Variants in NIPA1 observed in about 807,000 individuals in gnomAD.
NIPA1 encodes NIPA magnesium transporter 1.
Under a neutral mutation model 23.9 loss-of-function variants are expected in NIPA1, and 13 were observed. That is an observed-to-expected ratio of 0.54 (90% CI 0.35 to 0.87). The LOEUF (loss-of-function observed/expected upper bound fraction) is 0.87. Among genes scored for constraint, NIPA1 ranks in the 40% least tolerant of loss-of-function variants. NIPA1 has a pLI of 0.01. For synonymous variants in NIPA1, 234 were observed against 202.9 expected (o/e 1.15, Z -1.30); for missense variants, 362 against 429.7 (o/e 0.84, Z 1.39).
intron 1 of NIPA1, among the ~76,000 whole-genome samples, chr15:22,800,781 T>G (rs1432069675): frequency 6.6e-6 from 1 of 151,650 alleles, no homozygotes. Context: ...ACAAAAAAAA[T>G]TTAGCCGGAC....
intron 1 of NIPA1, among the ~76,000 whole-genome samples, chr15:22,809,861 G>GA (rs1193789846): frequency 6.6e-6 from 1 of 152,054 alleles, no homozygotes; most frequent in Non-Finnish European, 1.5e-5. Context: ...CCAACGTGGA[G>GA]AAACCTCGTC....
intron 2 of NIPA1, 45 bp from the exon 3 acceptor site, chr15:22,812,118 A>G (rs1265679407): frequency 7.3e-7 from 1 of 1,363,968 alleles, no homozygotes; most frequent in Non-Finnish European, 1.0e-6. Flanking sequence ...GTGCTGGAAG[A>G]GAGCTCTGTA....
intron 4 of NIPA1, among the ~76,000 whole-genome samples, chr15:22,823,394 G>A (rs1256563836): frequency 1.3e-5 from 2 of 151,704 alleles, no homozygotes; most frequent in Non-Finnish European, 1.5e-5. Context: ...TAGAGACGGG[G>A]TTTCACCATC....
At chr15:22,787,031 G>C (rs961207442) in intron 1 of NIPA1, among the ~76,000 whole-genome samples, 197 bp downstream of exon 1, 1 of 151,864 alleles carries the variant, frequency 6.6e-6, no homozygotes, top group African/African-American at 2.4e-5. Context: ...TCGGGCCCGG[G>C]AGCGGCCCAG....
chr15:22,793,671 C>T lies in NIPA1; in HGVS notation c.178+6837C>T, dbSNP rs141612669. ...GGCCAGCCTGGTCTCGAACTCCTGA[C>T]CTCAAGTGTTCTGCCTGTTTTCAGC... On this transcript the variant is annotated intron_variant, in intron 1 of 4. Coordinates refer to ENST00000337435, the MANE Select transcript of NIPA1 (RefSeq NM_144599.5). Among the ~76,000 whole-genome samples, 454 of 152,204 alleles carry T rather than the reference C, an allele frequency of 3.0e-3. 3 individuals carry two copies. Among genetic ancestry groups the T allele is most frequent in the African/African-American group, 0.01 (426 of 41,550 alleles).
At chr15:22,809,027 C>T (rs1417078646) in intron 1 of NIPA1, among the ~76,000 whole-genome samples, 1 of 152,054 alleles carries the variant, frequency 6.6e-6, no homozygotes, top group Non-Finnish European at 1.5e-5. Context: ...CTCCATTAAG[C>T]AGGCTAGCAG....
chr15:22,787,580 A>T (rs899720734), intron 1 of NIPA1, among the ~76,000 whole-genome samples: 1 of 152,188 alleles, frequency 6.6e-6, no homozygotes, highest in Non-Finnish European at 1.5e-5. Context: ...TGCGGGGTAG[A>T]GCTCTCTGTC....
At chr15:22,810,972 G>A in intron 2 of NIPA1, 176 bp downstream of exon 2, 2 of 654,492 alleles carry the variant, frequency 3.1e-6, no homozygotes, top group Non-Finnish European at 5.5e-6. Flanking sequence ...CCTCCCCAGG[G>A]CACTCTCCCT....
At chr15:22,813,513 T>G (rs1895358897) in intron 3 of NIPA1, 1 of 399,814 alleles carries the variant, frequency 2.5e-6, no homozygotes, top group African/African-American at 2.1e-5. Flanking sequence ...TATCCTCGTG[T>G]GAACCTATTT....
chr15:22,810,815 G>A lies in NIPA1; in HGVS notation c.226+19G>A, dbSNP rs1459069786. 6.9e-6 allele frequency: 11 copies of A among 1,593,056 alleles called. No individual in the cohort carries two copies. The highest frequency in any genetic ancestry group is 1.7e-5 in the Admixed American group (1 of 59,950). ...ATCGCAAGTAAGTAGCCTGTGTGGCGAAGTCTGGTCTTTTCCTTTCTTAGA... is the reference window on the plus strand; with the variant it reads ...ATCGCAAGTAAGTAGCCTGTGTGGCAAAGTCTGGTCTTTTCCTTTCTTAGA... On this transcript the variant is annotated intron_variant, in intron 2 of 4. Transcript: ENST00000337435.
chr15:22,797,901 G>A (rs1231616363), intron 1 of NIPA1, among the ~76,000 whole-genome samples: 2 of 147,888 alleles, frequency 1.4e-5, no homozygotes, highest in African/African-American at 5.0e-5. Flanking sequence ...CTGGAGTGCC[G>A]TGGCACAATC....
At chr15:22,809,695 A>G (rs940042521) in intron 1 of NIPA1, among the ~76,000 whole-genome samples, 2 of 151,644 alleles carry the variant, frequency 1.3e-5, no homozygotes, top group Non-Finnish European at 2.9e-5. Flanking sequence ...CAGTGAGTCA[A>G]CATCGCACCA....
intron 4 of NIPA1, among the ~76,000 whole-genome samples, chr15:22,821,671 G>T (rs1229453405): frequency 6.7e-6 from 1 of 148,572 alleles, no homozygotes; most frequent in Admixed American, 6.8e-5. Flanking sequence ...GTCCACACTC[G>T]CTGGTTTGCA....
rs1895631036 is a variant in NIPA1 at position 22,825,421 on chromosome 15, C to T, written c.*1182C>T. The T allele has an allele frequency of 1.3e-5, 2 of 152,114 alleles. No individual in the cohort carries two copies. The highest frequency in any genetic ancestry group is 4.1e-4 in the South Asian group (2 of 4,824). 9.4% of individuals were successfully genotyped at this position (152,114 alleles called of 1,614,324 possible). On this transcript the variant is annotated 3_prime_UTR_variant, in exon 5 of 5. Transcript: ENST00000337435. ...AAAGACACATTAGAGCAAATTGACC[C>T]CTTTAACATGTGATTATTGTCCAAT...
chr15:22,796,243 G>C (rs2140851694), intron 1 of NIPA1, among the ~76,000 whole-genome samples: 1 of 152,058 alleles, frequency 6.6e-6, no homozygotes, highest in East Asian at 1.9e-4. Context: ...TTTTCTAGGA[G>C]GGACTTAACT....
rs1895707961 is a variant in NIPA1 at position 22,829,243 on chromosome 15, A to C, written c.*5004A>C. ...AAAAAGATTTAATGGCCTGTGAAACACGTGGATTCTGTTGCACTGGATTTG... is the reference window on the plus strand; with the variant it reads ...AAAAAGATTTAATGGCCTGTGAAACCCGTGGATTCTGTTGCACTGGATTTG... On this transcript the variant is annotated 3_prime_UTR_variant, in exon 5 of 5. Transcript: ENST00000337435. The C allele has an allele frequency of 6.6e-6, 1 of 152,172 alleles. No individual in the cohort carries two copies. Among genetic ancestry groups the C allele is most frequent in the African/African-American group, 2.4e-5 (1 of 41,448 alleles). 9.4% of individuals were successfully genotyped at this position (152,172 alleles called of 1,614,324 possible).
At chr15:22,788,498 C>CAAAAAAAAAAAA (rs905296655) in intron 1 of NIPA1, among the ~76,000 whole-genome samples, 12 of 89,582 alleles carry the variant, frequency 1.3e-4, no homozygotes, top group Non-Finnish European at 1.9e-4. Flanking sequence ...GACTCCATCT[C>CAAAAAAAAAAAA]AAAAAAAAAA....
intron 1 of NIPA1, among the ~76,000 whole-genome samples, chr15:22,790,606 G>T (rs1894806579): frequency 6.6e-6 from 1 of 151,846 alleles, no homozygotes; most frequent in South Asian, 2.1e-4. Context: ...GTAGAGACAG[G>T]TTTCTCCATA....
chr15:22,796,275 A>C lies in NIPA1; in HGVS notation c.178+9441A>C, dbSNP rs112534974. Among the ~76,000 whole-genome samples the C allele has an allele frequency of 1.4e-3, 209 of 151,998 alleles. 1 individual carries two copies. The highest frequency in any genetic ancestry group is 4.5e-3 in the African/African-American group (185 of 41,456). The stretch of plus-strand genomic sequence containing the variant: ...AACTCTTTATTTAGAAAAAGGCTGT[A>C]CTCTGATGCTGGGCAAACAGAAATT... On this transcript the variant is annotated intron_variant, in intron 1 of 4. Coordinates refer to ENST00000337435, the MANE Select transcript of NIPA1 (RefSeq NM_144599.5).
Sources: gnomAD v4.1 joint callset for allele counts (sites outside exome capture counted in the v4.1 genomes callset) on GRCh38, gnomAD v4.1.1 for gene constraint, MANE v1.5 for transcripts, NCBI Gene and HGNC (gene_info 2026-07-23, HGNC 2026-07-21) for gene names.